VWDE: variants seen among roughly 807,000 people sequenced by gnomAD.
VWDE encodes the protein von Willebrand factor D and EGF domain-containing protein.
A neutral mutation model predicts 178.4 loss-of-function variants in VWDE; 207 were observed. The observed-to-expected ratio is 1.16, with a 90% CI of 1.04 to 1.30. VWDE has a LOEUF of 1.30. Ranked by LOEUF, VWDE falls within the 50% of genes most tolerant of loss-of-function variation. VWDE has a pLI of 0.00. For synonymous variants in VWDE, 738 were observed against 651.4 expected (o/e 1.13, Z -2.02); for missense variants, 2,287 against 1,901.3 (o/e 1.20, Z -3.77).
chr7:12,337,084 C>T lies in VWDE; in HGVS notation c.4463-1G>A. 1 of 1,551,548 alleles carries T rather than the reference C, an allele frequency of 6.4e-7. No individual in the cohort carries two copies. The highest frequency in any genetic ancestry group is 8.7e-7 in the Non-Finnish European group (1 of 1,146,896). On this transcript the variant is annotated splice_acceptor_variant, in intron 25 of 28. Transcript: ENST00000275358. LOFTEE classifies it high-confidence loss of function. ...TTCATGCACGTAGGATCACAGATGCCTTAAGGTAAAAGCATGAAAAGTCAG... is the reference window on the plus strand; with the variant it reads ...TTCATGCACGTAGGATCACAGATGCTTTAAGGTAAAAGCATGAAAAGTCAG...
At chr7:12,363,000 T>G (rs1174163808) in intron 13 of VWDE, among the ~76,000 whole-genome samples, 1 of 152,264 alleles carries the variant, frequency 6.6e-6, no homozygotes, top group Admixed American at 6.5e-5. Flanking sequence ...AAATGAGGAA[T>G]ATACAGTGTT....
At chr7:12,395,410 AAATC>A (rs1010368091) in intron 1 of VWDE, among the ~76,000 whole-genome samples, 29 of 152,244 alleles carry the variant, frequency 1.9e-4, no homozygotes, top group African/African-American at 6.7e-4. Flanking sequence ...CTTGGGAAAA[AAATC>A]AATAACTCCA....
intron 19 of VWDE, among the ~76,000 whole-genome samples, chr7:12,348,661 A>C (rs979123620): frequency 1.4e-5 from 2 of 147,908 alleles, no homozygotes; most frequent in African/African-American, 5.1e-5. Flanking sequence ...TGTGGAAGTC[A>C]GTGTGGCGAT....
rs1449586365 is a variant in VWDE at position 12,344,289 on chromosome 7, A to T, written c.3984T>A (p.Ala1328=). The T allele has an allele frequency of 6.4e-7, 1 of 1,551,112 alleles. No individual in the cohort carries two copies. Among genetic ancestry groups the T allele is most frequent in the Non-Finnish European group, 8.7e-7 (1 of 1,146,582 alleles). ...PGYIGSNCQT[A]LCDPDCKNHG... ...GGTTTTTGCAATCAGGGTCACAAAG[A>T]GCTGTATAAAATAAAGCCCAAGTTT... The change falls in exon 21 of 29, where the codon GCT becomes GCA. Residue 1328 remains alanine (A), a splice_region_variant and synonymous_variant. Transcript: ENST00000275358.
At chr7:12,392,767 T>C (rs999308103) in intron 2 of VWDE, among the ~76,000 whole-genome samples, 3 of 150,312 alleles carry the variant, frequency 2.0e-5, no homozygotes, top group Admixed American at 6.7e-5. Context: ...CACAATCATA[T>C]CGTGTTGTAA....
rs754717454 is a variant in VWDE, at chr7:12,333,478, T to C, written c.4745A>G (p.Glu1582Gly). ...ACTCTGAAATACCTGTATTTTCTTC[T>C]CACATTTGACTCCAGAGTATTCAGT... ...CRTEYSGVKCEKKIQIRRH is the reference protein window; with the variant it reads ...CRTEYSGVKCGKKIQIRRH The change falls in exon 28 of 29, where the codon GAG becomes GGG. Residue 1582 changes from glutamate to glycine, a missense_variant. Glu to Gly is a moderately conservative substitution (Grantham distance 98). Coordinates refer to ENST00000275358, the MANE Select transcript of VWDE (RefSeq NM_001135924.3). The C allele has an allele frequency of 8.3e-5, 129 of 1,544,916 alleles. No individual in the cohort carries two copies. Among genetic ancestry groups the C allele is most frequent in the Middle Eastern group, 3.3e-4 (2 of 6,002 alleles).
chr7:12,379,586 AT>A lies in VWDE; in HGVS notation c.790-21del. Reference sequence around the variant, plus strand: ...GAATATCTATGGATATAATTAAAAAATAATCACTTAGAAATTCAATTTTGGA... The same window carrying A: ...GAATATCTATGGATATAATTAAAAAAAATCACTTAGAAATTCAATTTTGGA... On this transcript the variant is annotated intron_variant, in intron 5 of 28. Transcript: ENST00000275358. 1 of 1,501,202 alleles carries A rather than the reference AT, an allele frequency of 6.7e-7. No homozygotes were observed. Among genetic ancestry groups the A allele is most frequent in the African/African-American group, 1.4e-5 (1 of 71,116 alleles). 93.0% of individuals were successfully genotyped at this position (1,501,202 alleles called of 1,614,324 possible).
At chr7:12,386,325 C>T (rs1219499557) in intron 3 of VWDE, among the ~76,000 whole-genome samples, 1 of 152,212 alleles carries the variant, frequency 6.6e-6, no homozygotes. Flanking sequence ...CTATACTAAA[C>T]TGAGCAGATG....
intron 27 of VWDE, among the ~76,000 whole-genome samples, chr7:12,335,476 G>A (rs1384119015): frequency 1.3e-5 from 2 of 150,936 alleles, no homozygotes; most frequent in Admixed American, 6.6e-5. Flanking sequence ...TTTTTTTTGA[G>A]ACGGAGTCTC....
intron 25 of VWDE, 42 bp downstream of exon 25, chr7:12,337,135 G>C (rs1380214835): frequency 5.2e-6 from 8 of 1,550,896 alleles, no homozygotes; most frequent in Middle Eastern, 1.7e-4. Context: ...GTTTTGTCTT[G>C]GCTTTAGCTG....
At chr7:12,382,953 C>T (rs1257184108) in intron 4 of VWDE, among the ~76,000 whole-genome samples, 5 of 150,992 alleles carry the variant, frequency 3.3e-5, no homozygotes, top group Non-Finnish European at 7.4e-5. Flanking sequence ...AAATTTTAAT[C>T]ACTATCAACA....
intron 10 of VWDE, among the ~76,000 whole-genome samples, 192 bp from the exon 11 acceptor site, chr7:12,371,056 T>C (rs1783171964): frequency 6.6e-6 from 1 of 152,182 alleles, no homozygotes; most frequent in African/African-American, 2.4e-5. Context: ...TGCATTTTGC[T>C]GACCTGAAAT....
At chr7:12,335,483 T>A (rs566244823) in intron 27 of VWDE, among the ~76,000 whole-genome samples, 1 of 151,920 alleles carries the variant, frequency 6.6e-6, no homozygotes, top group Admixed American at 6.6e-5. Flanking sequence ...TGAGACGGAG[T>A]CTCGCTCTGT....
At chr7:12,351,924 A>G (rs1395496988) in intron 18 of VWDE, among the ~76,000 whole-genome samples, 1 of 152,178 alleles carries the variant, frequency 6.6e-6, no homozygotes, top group Non-Finnish European at 1.5e-5. Context: ...CTACTCCTAC[A>G]TGTGAACATG....
At position 12,393,713 on chromosome 7, in the gene VWDE, A is replaced by C; in HGVS notation, c.124T>G (p.Ser42Ala). The C allele has an allele frequency of 1.3e-6, 2 of 1,551,278 alleles. No homozygotes were observed. Among genetic ancestry groups the C allele is most frequent in the Non-Finnish European group, 1.7e-6 (2 of 1,146,712 alleles). Residue 42 changes from serine to alanine, a missense_variant, in exon 2 of 29, where the codon TCA becomes GCA. Transcript: ENST00000275358. ...ACAGCTGACTGCTGGAGGTGCCATG[A>C]GTCAAAACGGACACTTCTATAAGGA... ...RSPYRSVRFDSWHLQQSAVQD... is the reference protein window; with the variant it reads ...RSPYRSVRFDAWHLQQSAVQD...
chr7:12,359,261 A>G (rs2128552751), intron 16 of VWDE, among the ~76,000 whole-genome samples: 1 of 152,304 alleles, frequency 6.6e-6, no homozygotes, highest in South Asian at 2.1e-4. Context: ...CTTGTTTAAC[A>G]AGTGCTGAAT....
At chr7:12,384,037 A>G (rs1052899590) in intron 3 of VWDE, among the ~76,000 whole-genome samples, 10 of 152,192 alleles carry the variant, frequency 6.6e-5, no homozygotes, top group Admixed American at 6.6e-4. Flanking sequence ...TTATTTCCAT[A>G]GAAAAACCTG....
intron 27 of VWDE, among the ~76,000 whole-genome samples, chr7:12,335,669 A>G (rs1780979520): frequency 6.6e-6 from 1 of 152,070 alleles, no homozygotes; most frequent in Non-Finnish European, 1.5e-5. Flanking sequence ...GTTAGCCAGG[A>G]TGGTCTCGAT....
At chr7:12,344,580 A>C in intron 19 of VWDE, 111 bp from the exon 20 acceptor site, 1 of 776,852 alleles carries the variant, frequency 1.3e-6, no homozygotes, top group Non-Finnish European at 2.1e-6. Flanking sequence ...ATAGTTAACT[A>C]ATAGTCCCTC....
Sources: gnomAD v4.1 joint callset for allele counts (sites outside exome capture counted in the v4.1 genomes callset) on GRCh38, gnomAD v4.1.1 for gene constraint, MANE v1.5 for transcripts, NCBI Gene and HGNC (gene_info 2026-07-23, HGNC 2026-07-21) for gene names.